Variants in NRP1 observed in about 807,000 individuals in gnomAD.
NRP1 encodes the protein neuropilin 1.
NRP1 carries 35 observed loss-of-function variants against 106.7 expected under a neutral mutation model. That is an observed-to-expected ratio of 0.33 (90% confidence interval 0.25 to 0.43). The LOEUF (loss-of-function observed/expected upper bound fraction) is 0.43. Ranked by LOEUF, NRP1 falls within the 20% of genes least tolerant of loss-of-function variation. NRP1 has a pLI of 1.00. For synonymous variants in NRP1, 437 were observed against 417.9 expected (o/e 1.05, Z -0.56); for missense variants, 1,024 against 1,170.4 (o/e 0.87, Z 1.83).
At chr10:33,192,167 G>A (rs1441081055) in intron 13 of NRP1, 114 bp downstream of exon 13, 1 of 1,110,464 alleles carries the variant, frequency 9.0e-7, no homozygotes, top group Non-Finnish European at 1.3e-6. Flanking sequence ...GTGAACGCCT[G>A]TAGTAATTCC....
intron 2 of NRP1, among the ~76,000 whole-genome samples, chr10:33,279,931 T>C (rs1049446092): frequency 6.6e-6 from 1 of 152,152 alleles, no homozygotes; most frequent in Non-Finnish European, 1.5e-5. Flanking sequence ...TCTGAGCCTA[T>C]AGGCATTGTT....
chr10:33,193,340 A>G (rs754631676), intron 12 of NRP1, among the ~76,000 whole-genome samples: 3 of 152,220 alleles, frequency 2.0e-5, no homozygotes, highest in Non-Finnish European at 2.9e-5. Context: ...AATCATTGCT[A>G]CTTATTCCAA....
intron 7 of NRP1, among the ~76,000 whole-genome samples, chr10:33,225,790 AGG>A (rs201507578): frequency 1.3e-5 from 2 of 152,294 alleles, no homozygotes; most frequent in Non-Finnish European, 2.9e-5. Flanking sequence ...GAAGAAATCG[AGG>A]GGGGAAAAAC....
Position 33,197,664 on chromosome 10 carries a change from C to G in NRP1, c.1910G>C (p.Ser637Thr). 1 of 1,604,770 alleles carries G rather than the reference C, an allele frequency of 6.2e-7. No homozygotes were observed. ...LATEKPTVID[S>T]TIQSEFPTYG... ...TTATTTGATACCTGATTGTATGGTG[C>G]TGTCTATGACCGTGGGCTTTTCTGT... The change falls in exon 12 of 17, where the codon AGC (serine) becomes ACC (threonine). Residue 637 changes from serine (S) to threonine (T), a missense_variant. Coordinates refer to ENST00000374867, the MANE Select transcript of NRP1 (RefSeq NM_003873.7).
intron 2 of NRP1, among the ~76,000 whole-genome samples, chr10:33,302,442 T>C (rs1845866137): frequency 6.6e-6 from 1 of 152,238 alleles, no homozygotes; most frequent in South Asian, 2.1e-4. Context: ...TCTGAGGTTG[T>C]GGGCTCCTCC....
At chr10:33,209,539 C>T (rs906054112) in intron 9 of NRP1, among the ~76,000 whole-genome samples, 8 of 152,092 alleles carry the variant, frequency 5.3e-5, no homozygotes, top group Non-Finnish European at 1.0e-4. Context: ...TGCAGTGGTG[C>T]GATCTCAGCT....
At chr10:33,271,786 G>A (rs893241216) in intron 2 of NRP1, among the ~76,000 whole-genome samples, 2 of 152,102 alleles carry the variant, frequency 1.3e-5, no homozygotes, top group African/African-American at 4.8e-5. Flanking sequence ...GTGTCCCCTA[G>A]GAAAATAAGA....
intron 6 of NRP1, among the ~76,000 whole-genome samples, chr10:33,252,186 G>A (rs947803483): frequency 1.3e-5 from 2 of 152,142 alleles, no homozygotes; most frequent in Non-Finnish European, 2.9e-5. Context: ...GCACAACGAC[G>A]TGGAGTTTGA....
At chr10:33,282,368 A>G (rs1844204379) in intron 2 of NRP1, among the ~76,000 whole-genome samples, 1 of 152,250 alleles carries the variant, frequency 6.6e-6, no homozygotes, top group Non-Finnish European at 1.5e-5. Flanking sequence ...CTTTGGAAAC[A>G]AGAAATGAAG....
chr10:33,292,573 G>A (rs1484200684), intron 2 of NRP1, among the ~76,000 whole-genome samples: 1 of 152,196 alleles, frequency 6.6e-6, no homozygotes, highest in Non-Finnish European at 1.5e-5. Flanking sequence ...AAGCCCAGCA[G>A]GTGAAAGAGG....
At chr10:33,255,551 C>T (rs886226622) in intron 5 of NRP1, among the ~76,000 whole-genome samples, 8 of 152,146 alleles carry the variant, frequency 5.3e-5, no homozygotes, top group African/African-American at 1.9e-4. Flanking sequence ...AACTTTGAGG[C>T]TCAAGCAATC....
chr10:33,192,157 G>A (rs1243033250), intron 13 of NRP1, 124 bp downstream of exon 13: 3 of 978,418 alleles, frequency 3.1e-6, no homozygotes, highest in African/African-American at 1.6e-5. Flanking sequence ...AATAGCACAT[G>A]TGAACGCCTG....
At chr10:33,241,803 T>G (rs900094501) in intron 6 of NRP1, among the ~76,000 whole-genome samples, 2 of 152,154 alleles carry the variant, frequency 1.3e-5, no homozygotes, top group Non-Finnish European at 2.9e-5. Context: ...CATTATAGTT[T>G]TAGATGCAAA....
chr10:33,202,577 TCTGAAAATAA>T lies in NRP1; in HGVS notation c.1864+304_1864+313del, dbSNP rs1837417718. The T allele has an allele frequency of 3.9e-6, 5 of 1,279,320 alleles. 1 individual carries two copies. The highest frequency in any genetic ancestry group is 3.0e-5 in the East Asian group (1 of 32,878). The allele number at this position is 1,279,320 out of a possible 1,614,324, so 79.2% of individuals were successfully genotyped here. On this transcript the variant is annotated intron_variant, in intron 11 of 16. Coordinates refer to ENST00000374867, the MANE Select transcript of NRP1 (RefSeq NM_003873.7). ...TGGTGCACGTGTTATTGGGGGGGGG[TCTGAAAATAA>T]TGAAAATAAGGATCGGTTTAGTACA...
At chr10:33,313,162 C>T (rs1231699111) in intron 2 of NRP1, among the ~76,000 whole-genome samples, 1 of 152,180 alleles carries the variant, frequency 6.6e-6, no homozygotes, top group East Asian at 1.9e-4. Context: ...GTAGGCAATT[C>T]CTTAGAATAA....
chr10:33,269,653 G>A (rs943343726), intron 3 of NRP1, among the ~76,000 whole-genome samples: 14 of 152,274 alleles, frequency 9.2e-5, no homozygotes, highest in African/African-American at 2.4e-4. Flanking sequence ...AGCAGGAGGC[G>A]AGTGGCAGGC....
chr10:33,320,471 T>C (rs1847421788), intron 2 of NRP1, among the ~76,000 whole-genome samples: 1 of 152,174 alleles, frequency 6.6e-6, no homozygotes, highest in Non-Finnish European at 1.5e-5. Context: ...CCAGATTCTC[T>C]GAATGTGGAC....
chr10:33,220,110 G>A (rs1839109925), intron 8 of NRP1, among the ~76,000 whole-genome samples: 1 of 152,170 alleles, frequency 6.6e-6, no homozygotes, highest in South Asian at 2.1e-4. Flanking sequence ...CTGTCTGTGG[G>A]ATGGAAATAA....
chr10:33,217,415 T>C (rs1838868337), intron 8 of NRP1, among the ~76,000 whole-genome samples: 1 of 152,054 alleles, frequency 6.6e-6, no homozygotes, highest in African/African-American at 2.4e-5. Context: ...GATTTACCTT[T>C]GACTGAAAAC....
Sources: allele counts gnomAD v4.1 joint callset (sites outside exome capture counted in the v4.1 genomes callset), GRCh38; gene constraint gnomAD v4.1.1; transcripts MANE v1.5; gene names NCBI Gene and HGNC (gene_info 2026-07-23, HGNC 2026-07-21).